IL15RA: variants seen among roughly 807,000 people sequenced by gnomAD.
The protein encoded by IL15RA is interleukin 15 receptor subunit alpha.
IL15RA carries 26 observed loss-of-function variants against 24.2 expected under a neutral mutation model. The observed-to-expected ratio is 1.07, with a 90% CI of 0.79 to 1.49. IL15RA has a LOEUF of 1.49. Ranked by LOEUF, IL15RA falls within the 40% of genes most tolerant of loss-of-function variation. The probability of loss-of-function intolerance (pLI) is 0.00; values close to 1 mark genes in which losing one functional copy is unlikely to be tolerated. For missense variants in IL15RA, 354 were observed against 356.4 expected (o/e 0.99, Z 0.05); for synonymous variants, 166 against 157.6 (o/e 1.05, Z -0.40).
At chr10:5,957,095 G>A (rs969469681) in intron 5 of IL15RA, among the ~76,000 whole-genome samples, 1 of 151,688 alleles carries the variant, frequency 6.6e-6, no homozygotes, top group East Asian at 1.9e-4. Context: ...GAGTAGCTGG[G>A]ATTACAGGCA....
Position 5,959,622 on chromosome 10 carries a change from G to T in IL15RA, c.616+132C>A. 1.3e-6 allele frequency: 1 copy of T among 747,030 alleles called. No individual in the cohort carries two copies. The allele number at this position is 747,030 out of a possible 1,614,324, so 46.3% of individuals were successfully genotyped here. ...CTATTACTTAACTTATTATCTGATG[G>T]AGGCCTTCTGAGTGTGGAAGGGGCT... On this transcript the variant is annotated intron_variant, in intron 5 of 6. Transcript: ENST00000379977. The surrounding 1 kb of genome is among the most constrained non-coding windows in gnomAD (Gnocchi z 4.1).
Position 5,964,131 on chromosome 10 carries a change from C to T in IL15RA, c.284-290G>A, listed in dbSNP as rs1340204293. On this transcript the variant is annotated intron_variant, in intron 2 of 6. Transcript: ENST00000379977. This position sits in a 1 kb window ranked among gnomAD's most constrained non-coding sequence, Gnocchi z 5.6. ...ATTCAATTTTATAATGCTGGTTATT[C>T]TTGGGAGAATAAATGATCACTCAAT... Among the ~76,000 whole-genome samples, 1 of 152,056 alleles carries T rather than the reference C, an allele frequency of 6.6e-6. No homozygotes were observed. Among genetic ancestry groups the T allele is most frequent in the African/African-American group, 2.4e-5 (1 of 41,374 alleles).
chr10:5,951,893 C>T (rs536608735), downstream of IL15RA, among the ~76,000 whole-genome samples: 220 of 152,136 alleles, frequency 1.4e-3, 2 homozygotes, highest in African/African-American at 4.8e-3. Flanking sequence ...CTCCTGGGCT[C>T]GATCAATCCT....
chr10:5,948,973 TATAAC>T (rs755535980), downstream of IL15RA: 126 of 302,700 alleles, frequency 4.2e-4, no homozygotes, highest in Middle Eastern at 3.5e-3. Flanking sequence ...AATGTGTAGA[TATAAC>T]AGACAAGGAA....
rs570233495 is a variant in IL15RA at position 5,974,848 on chromosome 10, G to T, written c.88+2557C>A. On this transcript the variant is annotated intron_variant, in intron 1 of 6. Coordinates refer to ENST00000379977, the MANE Select transcript of IL15RA (RefSeq NM_002189.4). The stretch of plus-strand genomic sequence containing the variant: ...GCAGAGATGGAGCCACTGCACTTCA[G>T]TCTGGGCAACAGAGTGAGATTCTGT... Among the ~76,000 whole-genome samples the T allele has an allele frequency of 2.0e-5, 3 of 152,104 alleles. No homozygotes were observed. The South Asian group carries it at 6.2e-4, about 32-fold the overall frequency.
At position 5,977,194 on chromosome 10, in the gene IL15RA, G is replaced by C. The variant is rs879697791; in HGVS notation, c.88+211C>G. 5.1e-4 allele frequency: 180 copies of C among 351,926 alleles called. 2 individuals are homozygous for C. The highest frequency in any genetic ancestry group is 7.4e-4 in the Non-Finnish European group (146 of 196,122). 21.8% of individuals were successfully genotyped at this position (351,926 alleles called of 1,614,324 possible). A position where few individuals can be genotyped will look rare whatever the true frequency, so the allele number is the denominator to read the frequency against. On this transcript the variant is annotated intron_variant, in intron 1 of 6. Coordinates refer to ENST00000379977, the MANE Select transcript of IL15RA (RefSeq NM_002189.4). Reference sequence around the variant, plus strand: ...TTACGTGGGTGACCCGGGCGCAGCGGCGGCGCTCTCCCTGCGACCCCGGCT... The same window carrying C: ...TTACGTGGGTGACCCGGGCGCAGCGCCGGCGCTCTCCCTGCGACCCCGGCT...
In IL15RA at chr10:5,955,116, TGAGATG is replaced by T. The variant is rs1834340865; in HGVS notation, c.692+1257_692+1262del. On this transcript the variant is annotated intron_variant, in intron 6 of 6. Coordinates refer to ENST00000379977, the MANE Select transcript of IL15RA (RefSeq NM_002189.4). The surrounding 1 kb of genome is among the most constrained non-coding windows in gnomAD (Gnocchi z 5.3). ...GGGTCACATAATTTTTTTTTTTTTT[TGAGATG>T]GAGTTTTGCTCTTGTTGCCCAGGCT... Among the ~76,000 whole-genome samples the T allele has an allele frequency of 6.6e-6, 1 of 150,476 alleles. No individual in the cohort carries two copies.
Position 5,952,861 on chromosome 10 carries a change from GCCCTGGGT to G in IL15RA, c.*226_*233del. 1 of 594,054 alleles carries G rather than the reference GCCCTGGGT, an allele frequency of 1.7e-6. No individual in the cohort carries two copies. Among genetic ancestry groups the G allele is most frequent in the South Asian group, 2.1e-5 (1 of 48,136 alleles). 36.8% of individuals were successfully genotyped at this position (594,054 alleles called of 1,614,324 possible). A position where few individuals can be genotyped will look rare whatever the true frequency, so the allele number is the denominator to read the frequency against. On this transcript the variant is annotated 3_prime_UTR_variant, in exon 7 of 7. Coordinates refer to ENST00000379977, the MANE Select transcript of IL15RA (RefSeq NM_002189.4). ...CCTTTGGTCTCTCCTGGGAAGCTGGGCCCTGGGTCCAAGGCACGACAGGCAGGCAGGTG... is the reference window on the plus strand; with the variant it reads ...CCTTTGGTCTCTCCTGGGAAGCTGGGCCAAGGCACGACAGGCAGGCAGGTG...
At chr10:5,956,317 G>A in intron 6 of IL15RA, 62 bp downstream of exon 6, 1 of 1,369,666 alleles carries the variant, frequency 7.3e-7, no homozygotes, top group South Asian at 1.2e-5. Context: ...GCCCGGCCAG[G>A]TGCAGCTCTT....
intron 1 of IL15RA, among the ~76,000 whole-genome samples, chr10:5,974,600 G>A (rs896341356): frequency 6.6e-6 from 1 of 152,154 alleles, no homozygotes; most frequent in Admixed American, 6.5e-5. Flanking sequence ...TCTGAGGCCA[G>A]GTGCAATGGC....
rs894167397 is a variant in IL15RA at position 5,977,411 on chromosome 10, T to C, written c.82A>G (p.Thr28Ala). 1.5e-6 allele frequency: 2 copies of C among 1,332,564 alleles called. No homozygotes were observed. The highest frequency in any genetic ancestry group is 3.1e-5 in the African/African-American group (2 of 65,030). 82.5% of individuals were successfully genotyped at this position (1,332,564 alleles called of 1,614,324 possible). A position where few individuals can be genotyped will look rare whatever the true frequency, so the allele number is the denominator to read the frequency against. ...LLLLLLRPPA[T>A]RGITCPPPMS... ...CCTGCTCCCAGCTCCCTACCCCGCG[T>C]CGCCGGCGGCCGGAGCAGCAGCAGC... is the stretch of plus-strand genomic sequence containing the variant. Residue 28 changes from threonine to alanine, a missense_variant, in exon 1 of 7, where the codon ACG becomes GCG. By Grantham distance (58) the Thr-to-Ala change is moderately conservative. Transcript: ENST00000379977.
rs1227573542 is a variant in IL15RA at position 5,977,184 on chromosome 10, G to A, written c.88+221C>T. ...GCCCGCTCCCTTACGTGGGTGACCC[G>A]GGCGCAGCGGCGGCGCTCTCCCTGC... On this transcript the variant is annotated intron_variant, in intron 1 of 6. Coordinates refer to ENST00000379977, the MANE Select transcript of IL15RA (RefSeq NM_002189.4). The A allele has an allele frequency of 1.4e-5, 5 of 347,362 alleles. No individual in the cohort carries two copies. In the South Asian group the frequency reaches 7.5e-4, roughly 52 times the overall value. 21.5% of individuals were successfully genotyped at this position (347,362 alleles called of 1,614,324 possible). A position where few individuals can be genotyped will look rare whatever the true frequency, so the allele number is the denominator to read the frequency against.
In IL15RA at chr10:5,968,503, A is replaced by G; in HGVS notation, c.89-2164T>C. The G allele has an allele frequency of 1.3e-5, 6 of 461,152 alleles. No homozygotes were observed. Among genetic ancestry groups the G allele is most frequent in the Admixed American group, 3.5e-5 (1 of 28,770 alleles). 28.6% of individuals were successfully genotyped at this position (461,152 alleles called of 1,614,324 possible). Reference sequence around the variant, plus strand: ...GCCACTACTCCCCATTCCAATGAGGACACATCTTCTGCTAAGCTGATGGCG... The same window carrying G: ...GCCACTACTCCCCATTCCAATGAGGGCACATCTTCTGCTAAGCTGATGGCG... On this transcript the variant is annotated intron_variant, in intron 1 of 6. Coordinates refer to ENST00000379977, the MANE Select transcript of IL15RA (RefSeq NM_002189.4). This position sits in a 1 kb window ranked among gnomAD's most constrained non-coding sequence, Gnocchi z 5.4.
Position 5,958,380 on chromosome 10 carries a change from G to A in IL15RA, c.616+1374C>T. On this transcript the variant is annotated intron_variant, in intron 5 of 6. Transcript: ENST00000379977. The surrounding 1 kb of genome is among the most constrained non-coding windows in gnomAD (Gnocchi z 4.3). ...CAAGGGGATTTTTGAGTTAGAAATG[G>A]GATTTGCTTTTCGTCTTTTTTTTGA... The A allele has an allele frequency of 2.3e-6, 1 of 440,120 alleles. No homozygotes were observed. The highest frequency in any genetic ancestry group is 4.6e-6 in the Non-Finnish European group (1 of 218,036). 27.3% of individuals were successfully genotyped at this position (440,120 alleles called of 1,614,324 possible). A position where few individuals can be genotyped will look rare whatever the true frequency, so the allele number is the denominator to read the frequency against.
rs1838334628 is a variant in IL15RA at position 5,975,729 on chromosome 10, A to G, written c.88+1676T>C. On this transcript the variant is annotated intron_variant, in intron 1 of 6. Transcript: ENST00000379977. This position sits in a 1 kb window ranked among gnomAD's most constrained non-coding sequence, Gnocchi z 4.8. ...ACCAACATGATGAAACCCCGTCTCT[A>G]TTAAAAACACAAAAGTTACTGGGCG... Among the ~76,000 whole-genome samples the G allele has an allele frequency of 6.6e-6, 1 of 152,038 alleles. No homozygotes were observed. Among genetic ancestry groups the G allele is most frequent in the African/African-American group, 2.4e-5 (1 of 41,384 alleles).
chr10:5,966,572 G>A lies in IL15RA; in HGVS notation c.89-233C>T, dbSNP rs932048533. ...GCAAAACTACAGATGAGGGCGTGGG[G>A]AGAGGGTCATCGATGAAACACCCTC... On this transcript the variant is annotated intron_variant, in intron 1 of 6. Transcript: ENST00000379977. This position sits in a 1 kb window ranked among gnomAD's most constrained non-coding sequence, Gnocchi z 6.4. Among the ~76,000 whole-genome samples the A allele has an allele frequency of 5.9e-5, 9 of 152,044 alleles. No homozygotes were observed. Among genetic ancestry groups the A allele is most frequent in the Non-Finnish European group, 5.9e-5 (4 of 67,996 alleles).
chr10:5,976,619 C>T (rs8177764), intron 1 of IL15RA, among the ~76,000 whole-genome samples: 36 of 152,310 alleles, frequency 2.4e-4, no homozygotes, highest in Non-Finnish European at 5.0e-4. Context: ...CTAGACCCTG[C>T]TACTGTTTTC....
chr10:5,958,417 GT>G lies in IL15RA; in HGVS notation c.616+1336del. Reference sequence around the variant, plus strand: ...CGTCTTTTTTTTGAGACAGGGTCCTGTCCTGTTGCCCAGGCCAGAGTGCAGT... The same window carrying G: ...CGTCTTTTTTTTGAGACAGGGTCCTGCCTGTTGCCCAGGCCAGAGTGCAGT... On this transcript the variant is annotated intron_variant, in intron 5 of 6. Transcript: ENST00000379977. The surrounding 1 kb of genome is among the most constrained non-coding windows in gnomAD (Gnocchi z 4.3). The G allele has an allele frequency of 2.5e-6, 1 of 396,516 alleles. No homozygotes were observed. The highest frequency in any genetic ancestry group is 5.2e-6 in the Non-Finnish European group (1 of 194,090). The allele number at this position is 396,516 out of a possible 1,614,324, so 24.6% of individuals were successfully genotyped here.
rs114318212 is a variant in IL15RA at position 5,972,210 on chromosome 10, A to C, written c.88+5195T>G. ...AATGCTCCCCTGCACAGAAACCCTC[A>C]GGGACTCCCCACTGCACAGAAGGGA... is the stretch of plus-strand genomic sequence containing the variant. On this transcript the variant is annotated intron_variant, in intron 1 of 6. Coordinates refer to ENST00000379977, the MANE Select transcript of IL15RA (RefSeq NM_002189.4). Among the ~76,000 whole-genome samples the C allele has an allele frequency of 4.6e-3, 708 of 152,274 alleles. 7 individuals are homozygous for C. Among genetic ancestry groups the C allele is most frequent in the African/African-American group, 0.016 (676 of 41,558 alleles).
Sources: gnomAD v4.1 joint callset for allele counts (sites outside exome capture counted in the v4.1 genomes callset) on GRCh38, gnomAD v4.1.1 for gene constraint, Gnocchi (gnomAD v3.1) non-coding constraint, MANE v1.5 for transcripts, NCBI Gene and HGNC (gene_info 2026-07-23, HGNC 2026-07-21) for gene names.